ADARB2: variants seen among roughly 807,000 people sequenced by gnomAD.
ADARB2 encodes the protein inactive double-stranded RNA-specific editase B2.
A neutral mutation model predicts 62.2 loss-of-function variants in ADARB2; 25 were observed. That is an observed-to-expected ratio of 0.40 (90% CI 0.29 to 0.56). The LOEUF (loss-of-function observed/expected upper bound fraction) is 0.56. ADARB2 is among the 20% of genes least tolerant of loss of function. The pLI, the probability that ADARB2 is intolerant of heterozygous loss-of-function variation, is 0.43. For missense variants in ADARB2, 1,071 were observed against 1,077.4 expected, an observed-to-expected ratio of 0.99 and a Z score of 0.08; for synonymous variants, 572 against 500.8, an observed-to-expected ratio of 1.14 and a Z score of -1.90.
Position 1,593,163 on chromosome 10 carries a change from G to C in ADARB2, c.100+143888C>G, listed in dbSNP as rs190807214. Reference sequence around the variant, plus strand: ...CCTTCACCCAAGCCACGCTCCATCGGTCTCCTCTCTGGCATGGTCCCCTCT... The same window carrying C: ...CCTTCACCCAAGCCACGCTCCATCGCTCTCCTCTCTGGCATGGTCCCCTCT... On this transcript the variant is annotated intron_variant, in intron 1 of 9. Transcript: ENST00000381312. Among the ~76,000 whole-genome samples the C allele has an allele frequency of 4.0e-3, 458 of 115,494 alleles. 67 individuals carry two copies. The highest frequency in any genetic ancestry group is 0.015 in the African/African-American group (432 of 27,936). The allele number at this position is 115,494 out of a possible 152,430, so 75.8% of individuals were successfully genotyped here.
chr10:1,345,142 G>A (rs1832067558), intron 3 of ADARB2, among the ~76,000 whole-genome samples: 1 of 152,038 alleles, frequency 6.6e-6, no homozygotes, highest in African/African-American at 2.4e-5. Flanking sequence ...CAGCCTGGGG[G>A]GTGAGGATGC....
At chr10:1,377,101 C>A (rs1401079547) in intron 2 of ADARB2, among the ~76,000 whole-genome samples, 3 of 121,682 alleles carry the variant, frequency 2.5e-5, no homozygotes, top group Non-Finnish European at 5.0e-5. Context: ...TGTTTGTGTG[C>A]ACCCCTGGGA....
At chr10:1,657,344 G>C (rs1428466679) in intron 1 of ADARB2, among the ~76,000 whole-genome samples, 1 of 152,112 alleles carries the variant, frequency 6.6e-6, no homozygotes, top group Non-Finnish European at 1.5e-5. Flanking sequence ...ATTTAGCCTA[G>C]GGAAAAGAAA....
At position 1,667,401 on chromosome 10, in the gene ADARB2, T is replaced by C. The variant is rs142069695; in HGVS notation, c.100+69650A>G. Among the ~76,000 whole-genome samples, 204 of 152,352 alleles carry C rather than the reference T, an allele frequency of 1.3e-3. 1 individual carries two copies. The highest frequency in any genetic ancestry group is 4.6e-3 in the African/African-American group (190 of 41,578). On this transcript the variant is annotated intron_variant, in intron 1 of 9. Transcript: ENST00000381312. ...TTAAGTTGAACTCACATATAGGATA[T>C]GTAAAATTGCATACAAAATTGCAAA...
intron 6 of ADARB2, among the ~76,000 whole-genome samples, chr10:1,232,834 ATGTG>A (rs953181976): frequency 1.4e-5 from 2 of 139,874 alleles, no homozygotes; most frequent in African/African-American, 2.7e-5. Context: ...TATATGTGGT[ATGTG>A]TGTGGTATAT....
In ADARB2 at chr10:1,422,828, C is replaced by T. The variant is rs1054608211; in HGVS notation, c.101-43668G>A. Among the ~76,000 whole-genome samples the T allele has an allele frequency of 2.0e-5, 3 of 152,290 alleles. 1 individual carries two copies. The highest frequency in any genetic ancestry group is 6.8e-3 in the Middle Eastern group (2 of 294). ...GGCACCCAGGTATGAAGGGCATTAG[C>T]GTACCTCCTATGGCCACACGCAAAC... On this transcript the variant is annotated intron_variant, in intron 1 of 9. Transcript: ENST00000381312.
At chr10:1,299,496 C>T (rs4471349) in intron 3 of ADARB2, among the ~76,000 whole-genome samples, 2 of 151,950 alleles carry the variant, frequency 1.3e-5, no homozygotes, top group African/African-American at 4.8e-5. Flanking sequence ...TGTGCAGCCC[C>T]GTATGTCATC....
At chr10:1,460,408 A>C (rs12761100) in intron 1 of ADARB2, among the ~76,000 whole-genome samples, 2 of 15,336 alleles carry the variant, frequency 1.3e-4, no homozygotes, top group South Asian at 2.2e-3. Flanking sequence ...TGTGACCTGA[A>C]TTTACCTGCG....
rs184038012 is a variant in ADARB2, at chr10:1,494,562, T to A, written c.101-115402A>T. On this transcript the variant is annotated intron_variant, in intron 1 of 9. Transcript: ENST00000381312. Reference sequence around the variant, plus strand: ...CCCACACAATAGATTAAAAGCCTGTTAAATGTTATTTTCAGCTTGGCAGAA... The same window carrying A: ...CCCACACAATAGATTAAAAGCCTGTAAAATGTTATTTTCAGCTTGGCAGAA... Among the ~76,000 whole-genome samples the A allele has an allele frequency of 1.3e-4, 20 of 152,336 alleles. No individual in the cohort carries two copies. The East Asian group carries it at 3.9e-3, about 29-fold the overall frequency.
intron 1 of ADARB2, among the ~76,000 whole-genome samples, chr10:1,401,643 C>G (rs1383383814): frequency 2.6e-5 from 4 of 152,226 alleles, no homozygotes; most frequent in Admixed American, 6.5e-5. Context: ...ACTGTGTATC[C>G]CGTGTCCCCA....
intron 1 of ADARB2, among the ~76,000 whole-genome samples, chr10:1,432,206 G>A (rs1830783038): frequency 2.6e-5 from 4 of 152,104 alleles, no homozygotes; most frequent in Admixed American, 2.0e-4. Flanking sequence ...CTGAATGAAT[G>A]AATGAATGAA....
chr10:1,422,108 A>T (rs888660042), intron 1 of ADARB2, among the ~76,000 whole-genome samples: 3 of 152,244 alleles, frequency 2.0e-5, no homozygotes, highest in Non-Finnish European at 4.4e-5. Context: ...TATCCCTGGC[A>T]ACAGACTTGG....
chr10:1,642,939 C>T (rs561987784), intron 1 of ADARB2, among the ~76,000 whole-genome samples: 4 of 152,354 alleles, frequency 2.6e-5, no homozygotes, highest in East Asian at 1.9e-4. Flanking sequence ...CTCCACCCCG[C>T]GGCCCCCTCC....
intron 5 of ADARB2, among the ~76,000 whole-genome samples, 196 bp from the exon 6 acceptor site, chr10:1,234,041 G>A (rs916985809): frequency 7.7e-6 from 1 of 129,164 alleles, no homozygotes; most frequent in African/African-American, 3.0e-5. Flanking sequence ...TGCCATATTT[G>A]CTCACTGCAA....
intron 4 of ADARB2, among the ~76,000 whole-genome samples, chr10:1,247,660 C>G (rs999437267): frequency 6.6e-6 from 1 of 152,086 alleles, no homozygotes; most frequent in African/African-American, 2.4e-5. Context: ...TTGAAGACTG[C>G]GAGCAAAAAC....
chr10:1,357,001 A>G (rs1276117998), intron 3 of ADARB2, among the ~76,000 whole-genome samples: 1 of 152,148 alleles, frequency 6.6e-6, no homozygotes, highest in African/African-American at 2.4e-5. Flanking sequence ...TATGGTCAGG[A>G]GGGTTCTTCT....
intron 1 of ADARB2, among the ~76,000 whole-genome samples, chr10:1,545,137 T>C (rs1052188537): frequency 6.6e-6 from 1 of 152,308 alleles, no homozygotes; most frequent in Non-Finnish European, 1.5e-5. Context: ...TCTGAGCCTC[T>C]GTGTCATGCG....
Position 1,182,949 on chromosome 10 carries a change from T to G in ADARB2, c.*244A>C. The G allele has an allele frequency of 1.3e-5, 6 of 476,034 alleles. No individual in the cohort carries two copies. The highest frequency in any genetic ancestry group is 3.7e-5 in the East Asian group (1 of 27,152). 29.5% of individuals were successfully genotyped at this position (476,034 alleles called of 1,614,324 possible). A position where few individuals can be genotyped will look rare whatever the true frequency, so the allele number is the denominator to read the frequency against. On this transcript the variant is annotated 3_prime_UTR_variant, in exon 10 of 10. Transcript: ENST00000381312. ...CCTCCCTCAGACTCCACAGGAAGAG[T>G]CGGCGCTAACTCAACAGTGCATGTG...
chr10:1,484,580 G>A (rs1220085111), intron 1 of ADARB2, among the ~76,000 whole-genome samples: 1 of 152,234 alleles, frequency 6.6e-6, no homozygotes, highest in Non-Finnish European at 1.5e-5. Flanking sequence ...GCAACCACAT[G>A]GCGTTTATTC....
Sources: allele counts gnomAD v4.1 joint callset (sites outside exome capture counted in the v4.1 genomes callset), GRCh38; gene constraint gnomAD v4.1.1; transcripts MANE v1.5; gene names NCBI Gene and HGNC (gene_info 2026-07-23, HGNC 2026-07-21).